Variants in TSPAN13 observed in about 807,000 individuals in gnomAD.
TSPAN13 encodes tetraspanin 13, also known as tetraspanin-13.
Under a neutral mutation model 26.9 loss-of-function variants are expected in TSPAN13, and 18 were observed. That is an observed-to-expected ratio of 0.67 (90% CI 0.46 to 0.99). The LOEUF (loss-of-function observed/expected upper bound fraction) is 0.99. Among genes scored for constraint, TSPAN13 ranks in the 50% least tolerant of loss-of-function variants. TSPAN13 has a pLI of 0.00. For synonymous variants in TSPAN13, 116 were observed against 98.4 expected, an observed-to-expected ratio of 1.18 and a Z score of -1.06; for missense variants, 201 against 249.6, an observed-to-expected ratio of 0.81 and a Z score of 1.31.
At chr7:16,766,528 G>A (rs1215226204) in intron 1 of TSPAN13, among the ~76,000 whole-genome samples, 3 of 152,212 alleles carry the variant, frequency 2.0e-5, no homozygotes, top group African/African-American at 4.8e-5. Flanking sequence ...TGTTACAAAC[G>A]TGTGGAGAAT....
At chr7:16,770,053 A>G (rs574585899) in intron 1 of TSPAN13, among the ~76,000 whole-genome samples, 4 of 151,862 alleles carry the variant, frequency 2.6e-5, no homozygotes, top group Admixed American at 6.6e-5. Context: ...TATTCTTTCT[A>G]TTGTAAGTTT....
chr7:16,783,596 A>G lies in TSPAN13; in HGVS notation c.*105A>G. The G allele has an allele frequency of 2.0e-6, 2 of 1,013,528 alleles. No homozygotes were observed. The highest frequency in any genetic ancestry group is 3.1e-6 in the Non-Finnish European group (2 of 647,714). The allele number at this position is 1,013,528 out of a possible 1,614,324, so 62.8% of individuals were successfully genotyped here. A position where few individuals can be genotyped will look rare whatever the true frequency, so the allele number is the denominator to read the frequency against. ...TTTAAGGAAGGAAACACTATCTGGA[A>G]AAGTACCTTATTGATAGTGGAATTA... On this transcript the variant is annotated 3_prime_UTR_variant, in exon 6 of 6. Transcript: ENST00000262067.
intron 1 of TSPAN13, among the ~76,000 whole-genome samples, chr7:16,761,322 A>G (rs1339947078): frequency 6.6e-6 from 1 of 152,238 alleles, no homozygotes. Flanking sequence ...ATGTCTGGCT[A>G]TTTAGCAAAA....
chr7:16,766,403 G>C (rs76645940), intron 1 of TSPAN13, among the ~76,000 whole-genome samples: 3 of 152,174 alleles, frequency 2.0e-5, no homozygotes, highest in Admixed American at 6.5e-5. Flanking sequence ...GTGTATTTGC[G>C]TGTGCATGTG....
Position 16,777,831 on chromosome 7 carries a change from G to A in TSPAN13, c.346G>A (p.Ala116Thr), listed in dbSNP as rs1784770598. The A allele has an allele frequency of 3.1e-6, 5 of 1,613,744 alleles. No homozygotes were observed. Among genetic ancestry groups the A allele is most frequent in the Non-Finnish European group, 4.2e-6 (5 of 1,179,842 alleles). Residue 116 changes from alanine (A) to threonine (T), a missense_variant, in exon 4 of 6, where the codon GCA becomes ACA. Physicochemically the swap from Ala to Thr is moderately conservative, Grantham distance 58. Coordinates refer to ENST00000262067, the MANE Select transcript of TSPAN13 (RefSeq NM_014399.4). Reference sequence around the variant, plus strand: ...TCTGGAGGTTGGTTGGAACAATACGGCAAGTGCTCGAAATGACATCCAGAG... The same window carrying A: ...TCTGGAGGTTGGTTGGAACAATACGACAAGTGCTCGAAATGACATCCAGAG... ...QLLEVGWNNT[A>T]SARNDIQRNL...
rs376602906 is a variant in TSPAN13 at position 16,756,442 on chromosome 7, G to A, written c.63+2412G>A. Among the ~76,000 whole-genome samples, 9 of 152,324 alleles carry A rather than the reference G, an allele frequency of 5.9e-5. 1 individual carries two copies. In the East Asian group the frequency reaches 1.4e-3, roughly 23 times the overall value. ...ATGCCTGAAACATCATCATTGCTGTGTTGAAGCATTTTACTGAGGAACTTA... is the reference window on the plus strand; with the variant it reads ...ATGCCTGAAACATCATCATTGCTGTATTGAAGCATTTTACTGAGGAACTTA... On this transcript the variant is annotated intron_variant, in intron 1 of 5. Coordinates refer to ENST00000262067, the MANE Select transcript of TSPAN13 (RefSeq NM_014399.4).
At chr7:16,780,046 C>G (rs542787184) in intron 5 of TSPAN13, among the ~76,000 whole-genome samples, 6 of 152,008 alleles carry the variant, frequency 3.9e-5, no homozygotes, top group Admixed American at 6.6e-5. Context: ...GCTGGGATTA[C>G]AGGCATGAGC....
At chr7:16,780,615 T>G (rs930468602) in intron 5 of TSPAN13, among the ~76,000 whole-genome samples, 1 of 152,086 alleles carries the variant, frequency 6.6e-6, no homozygotes. Flanking sequence ...AAAATACAGA[T>G]AGAGAAAAAC....
Position 16,753,979 on chromosome 7 carries a change from G to A in TSPAN13, c.12G>A (p.Gly4=). ...CCACAGGTTCCAAGATGGTTTGCGGGGGCTTCGCGTGTTCCAAGAACTGCC... is the reference window on the plus strand; with the variant it reads ...CCACAGGTTCCAAGATGGTTTGCGGAGGCTTCGCGTGTTCCAAGAACTGCC... MVC[G]GFACSKNCLC... is the part of the protein sequence containing the mutation. Residue 4 remains glycine (G), a synonymous_variant, in exon 1 of 6, where the codon GGG becomes GGA. Coordinates refer to ENST00000262067, the MANE Select transcript of TSPAN13 (RefSeq NM_014399.4). The A allele has an allele frequency of 2.5e-6, 4 of 1,613,368 alleles. No individual in the cohort carries two copies. The South Asian group carries it at 3.3e-5, about 13-fold the overall frequency.
intron 1 of TSPAN13, among the ~76,000 whole-genome samples, chr7:16,763,441 T>G (rs1011580101): frequency 2.0e-5 from 3 of 152,202 alleles, no homozygotes; most frequent in Non-Finnish European, 2.9e-5. Flanking sequence ...CATCCAGTAG[T>G]TGGGTCATAA....
At chr7:16,768,692 G>A (rs1229631812) in intron 1 of TSPAN13, among the ~76,000 whole-genome samples, 2 of 152,104 alleles carry the variant, frequency 1.3e-5, no homozygotes, top group African/African-American at 4.8e-5. Context: ...GTTTGAGGTA[G>A]GGATTAATAA....
intron 1 of TSPAN13, among the ~76,000 whole-genome samples, chr7:16,768,978 G>A (rs893070800): frequency 6.6e-6 from 1 of 152,016 alleles, no homozygotes; most frequent in Admixed American, 6.5e-5. Flanking sequence ...CTGGGTTCAA[G>A]CTATTTCTGG....
At chr7:16,783,290 C>T (rs1319956125) in intron 5 of TSPAN13, 127 bp from the exon 6 acceptor site, 1 of 892,792 alleles carries the variant, frequency 1.1e-6, no homozygotes, top group South Asian at 1.7e-5. Flanking sequence ...GAAAAAAAAT[C>T]TCTCCCCGTT....
rs966163585 is a variant in TSPAN13 at position 16,753,979 on chromosome 7, G to T, written c.12G>T (p.Gly4=). 2 of 1,613,250 alleles carry T rather than the reference G, an allele frequency of 1.2e-6. No homozygotes were observed. The highest frequency in any genetic ancestry group is 1.7e-6 in the Non-Finnish European group (2 of 1,179,682). The change falls in exon 1 of 6, where the codon GGG becomes GGT. Residue 4 remains glycine, a synonymous_variant. Coordinates refer to ENST00000262067, the MANE Select transcript of TSPAN13 (RefSeq NM_014399.4). ...CCACAGGTTCCAAGATGGTTTGCGG[G>T]GGCTTCGCGTGTTCCAAGAACTGCC... MVC[G]GFACSKNCLC...
At chr7:16,764,807 T>G (rs1394718402) in intron 1 of TSPAN13, among the ~76,000 whole-genome samples, 1 of 152,142 alleles carries the variant, frequency 6.6e-6, no homozygotes, top group Non-Finnish European at 1.5e-5. Flanking sequence ...TATGATGCAG[T>G]TCTATAGGGA....
chr7:16,779,327 T>C (rs706069), intron 5 of TSPAN13, among the ~76,000 whole-genome samples: 1,693 of 152,294 alleles, frequency 0.011, 36 homozygotes, highest in African/African-American at 0.039. Context: ...TCTCTTCTTA[T>C]GTAAAATTTA....
intron 1 of TSPAN13, among the ~76,000 whole-genome samples, chr7:16,768,110 T>C (rs1583790112): frequency 6.6e-6 from 1 of 151,998 alleles, no homozygotes; most frequent in Non-Finnish European, 1.5e-5. Flanking sequence ...AATGGGGTTT[T>C]ACCATGTTAG....
At chr7:16,774,336 C>A (rs1294839592) in intron 1 of TSPAN13, among the ~76,000 whole-genome samples, 1 of 152,194 alleles carries the variant, frequency 6.6e-6, no homozygotes, top group African/African-American at 2.4e-5. Context: ...GTACAGCAAG[C>A]TGCTCTGATG....
chr7:16,777,721 T>C lies in TSPAN13; in HGVS notation c.313-77T>C, dbSNP rs1784769421. ...TAAAAATTATTTTAGGTACACTTAG[T>C]ACTAAAAGTTACAGGCTCCAGCTTT... is the stretch of plus-strand genomic sequence containing the variant. On this transcript the variant is annotated intron_variant, in intron 3 of 5. Coordinates refer to ENST00000262067, the MANE Select transcript of TSPAN13 (RefSeq NM_014399.4). 3 of 986,616 alleles carry C rather than the reference T, an allele frequency of 3.0e-6. No homozygotes were observed. In the South Asian group the frequency reaches 5.3e-5, roughly 17 times the overall value. 61.1% of individuals were successfully genotyped at this position (986,616 alleles called of 1,614,324 possible).
Sources: gnomAD v4.1 joint callset for allele counts (sites outside exome capture counted in the v4.1 genomes callset) on GRCh38, gnomAD v4.1.1 for gene constraint, MANE v1.5 for transcripts, NCBI Gene and HGNC (gene_info 2026-07-23, HGNC 2026-07-21) for gene names.